Variants in SPAG17 observed in about 807,000 individuals in gnomAD.
SPAG17 encodes sperm-associated antigen 17.
SPAG17 carries 169 observed loss-of-function variants against 273.6 expected under a neutral mutation model. The observed-to-expected ratio is 0.62, with a 90% confidence interval of 0.55 to 0.70. The LOEUF is 0.70. SPAG17 is among the 30% of genes least tolerant of loss of function. The pLI is 0.00. For missense variants in SPAG17, 2,557 were observed against 2,627.8 expected, an observed-to-expected ratio of 0.97 and a Z score of 0.59; for synonymous variants, 825 against 873.2, an observed-to-expected ratio of 0.94 and a Z score of 0.97.
intron 17 of SPAG17, among the ~76,000 whole-genome samples, chr1:118,067,629 AGG>A (rs1208883731): frequency 6.6e-6 from 1 of 152,212 alleles, no homozygotes; most frequent in Non-Finnish European, 1.5e-5. Context: ...TACGCTACTC[AGG>A]CATGGCATTT....
intron 24 of SPAG17, among the ~76,000 whole-genome samples, chr1:118,036,310 T>C (rs1481834442): frequency 6.6e-6 from 1 of 152,184 alleles, no homozygotes; most frequent in Non-Finnish European, 1.5e-5. Context: ...TGAAGCACAC[T>C]GAACCGTTCT....
intron 1 of SPAG17, among the ~76,000 whole-genome samples, chr1:118,179,418 C>A (rs116043059): frequency 6.6e-6 from 1 of 152,136 alleles, no homozygotes; most frequent in Non-Finnish European, 1.5e-5. Flanking sequence ...ACCCCTGTCT[C>A]TCTCCATAAA....
At chr1:118,126,059 G>GT (rs1657707165) in intron 3 of SPAG17, among the ~76,000 whole-genome samples, 1 of 45,812 alleles carries the variant, frequency 2.2e-5, no homozygotes, top group Admixed American at 2.1e-4. Flanking sequence ...TTTTTTTTTT[G>GT]ATAATAGCCA....
At chr1:118,116,152 C>T (rs1657066493) in intron 3 of SPAG17, among the ~76,000 whole-genome samples, 1 of 152,178 alleles carries the variant, frequency 6.6e-6, no homozygotes, top group Non-Finnish European at 1.5e-5. Context: ...CTAAATTTCA[C>T]ACAACGCTCT....
intron 43 of SPAG17, among the ~76,000 whole-genome samples, chr1:117,977,390 T>C (rs578074283): frequency 6.6e-6 from 1 of 152,304 alleles, no homozygotes; most frequent in East Asian, 1.9e-4. Flanking sequence ...TAACATAATA[T>C]AGAGAATTAA....
In SPAG17 at chr1:118,151,484, A is replaced by C. The variant is rs1450703315; in HGVS notation, c.88-115T>G. ...CCTGTAAATCTTACTTGAAAGACAGAGGTGACCTTGTAATGTATGTGGTTT... is the reference window on the plus strand; with the variant it reads ...CCTGTAAATCTTACTTGAAAGACAGCGGTGACCTTGTAATGTATGTGGTTT... On this transcript the variant is annotated intron_variant, in intron 1 of 48. Transcript: ENST00000336338. The C allele has an allele frequency of 8.6e-6, 9 of 1,050,918 alleles. No individual in the cohort carries two copies. The Admixed American group carries it at 2.4e-4, about 28-fold the overall frequency. 65.1% of individuals were successfully genotyped at this position (1,050,918 alleles called of 1,614,324 possible).
Position 117,976,702 on chromosome 1 carries a change from TAAC to T in SPAG17, c.6005-3144_6005-3142del, listed in dbSNP as rs568430848. 7.4e-4 allele frequency among the ~76,000 whole-genome samples: 112 copies of T among 152,292 alleles called. No homozygotes were observed. The Middle Eastern group carries it at 0.017, about 23-fold the overall frequency. On this transcript the variant is annotated intron_variant, in intron 43 of 48. Coordinates refer to ENST00000336338, the MANE Select transcript of SPAG17 (RefSeq NM_206996.4). ...AGCCGGAGGTGTGCTGGTGAATGGT[TAAC>T]AACTACCTTTCCCAGGGTAAACTGC...
chr1:117,954,554 G>A (rs1651880574), intron 48 of SPAG17: 1 of 1,608,626 alleles, frequency 6.2e-7, no homozygotes, highest in Admixed American at 1.7e-5. Context: ...TTTTTTTAAT[G>A]ACTTGATTTA....
At chr1:117,977,859 T>C (rs956066907) in intron 43 of SPAG17, among the ~76,000 whole-genome samples, 1 of 152,210 alleles carries the variant, frequency 6.6e-6, no homozygotes, top group Non-Finnish European at 1.5e-5. Flanking sequence ...TTTTATTCAC[T>C]GGTGATTTTA....
Position 117,971,568 on chromosome 1 carries a change from C to A in SPAG17, c.6326+295G>T, listed in dbSNP as rs561228799. Among the ~76,000 whole-genome samples the A allele has an allele frequency of 2.0e-5, 3 of 152,262 alleles. No individual in the cohort carries two copies. In the East Asian group the frequency reaches 5.8e-4, roughly 29 times the overall value. On this transcript the variant is annotated intron_variant, in intron 45 of 48. Coordinates refer to ENST00000336338, the MANE Select transcript of SPAG17 (RefSeq NM_206996.4). ...TGCTGTAACACTTTTGTACAACCTC[C>A]CCCTTTTTTTCCACTAGTAGAAATC...
At chr1:117,967,491 A>G (rs1654013445) in intron 46 of SPAG17, among the ~76,000 whole-genome samples, 1 of 152,064 alleles carries the variant, frequency 6.6e-6, no homozygotes, top group Non-Finnish European at 1.5e-5. Context: ...AATCGCAAAA[A>G]AATCTCATCA....
chr1:117,986,148 T>A (rs1464860483), intron 40 of SPAG17, among the ~76,000 whole-genome samples: 1 of 152,174 alleles, frequency 6.6e-6, no homozygotes, highest in Non-Finnish European at 1.5e-5. Flanking sequence ...TCTGGAAATA[T>A]CAGACAGGCA....
chr1:118,090,916 A>C (rs1238943484), intron 10 of SPAG17, among the ~76,000 whole-genome samples: 1 of 151,914 alleles, frequency 6.6e-6, no homozygotes, highest in Non-Finnish European at 1.5e-5. Context: ...ATATATAAAT[A>C]AATAGATGAA....
Position 118,099,768 on chromosome 1 carries a change from T to C in SPAG17, c.667A>G (p.Ile223Val). 6.2e-7 allele frequency: 1 copy of C among 1,612,972 alleles called. No homozygotes were observed. Among genetic ancestry groups the C allele is most frequent in the Non-Finnish European group, 8.5e-7 (1 of 1,179,896 alleles). The part of the protein sequence containing the change: ...DEPDDGAQHY[I>V]IVVGFNNPQL... ...GGATTGTTAAAGCCCACAACTATAA[T>C]GTAATGTTGGGCACCATCATCTGGC... is the stretch of plus-strand genomic sequence containing the variant. The change falls in exon 6 of 49, where the codon ATT (isoleucine) becomes GTT (valine). Residue 223 changes from isoleucine (I) to valine (V), a missense_variant. Coordinates refer to ENST00000336338, the MANE Select transcript of SPAG17 (RefSeq NM_206996.4).
At chr1:118,026,179 T>G (rs1016193170) in intron 26 of SPAG17, among the ~76,000 whole-genome samples, 4 of 152,152 alleles carry the variant, frequency 2.6e-5, no homozygotes, top group Non-Finnish European at 5.9e-5. Flanking sequence ...TCTTTCAAAG[T>G]TAACGTTAAA....
Position 118,023,375 on chromosome 1 carries a change from C to T in SPAG17, c.3998G>A (p.Gly1333Glu), listed in dbSNP as rs201044661. 13 of 1,612,744 alleles carry T rather than the reference C, an allele frequency of 8.1e-6. No individual in the cohort carries two copies. The highest frequency in any genetic ancestry group is 2.5e-6 in the Non-Finnish European group (3 of 1,179,190). ...CTGAGAAATAGAGTCCATCAAATCTCCACTGTGAGGCGTTGCTGGCATTTC... is the reference window on the plus strand; with the variant it reads ...CTGAGAAATAGAGTCCATCAAATCTTCACTGTGAGGCGTTGCTGGCATTTC... ...PSEMPATPHS[G>E]DLMDSISQQK... Residue 1333 changes from glycine (G) to glutamate (E), a missense_variant, in exon 28 of 49, where the codon GGA (glycine) becomes GAA (glutamate). By Grantham distance (98) the Gly-to-Glu change is moderately conservative. Transcript: ENST00000336338.
chr1:118,074,971 G>A (rs1040348609), intron 15 of SPAG17, among the ~76,000 whole-genome samples: 8 of 152,034 alleles, frequency 5.3e-5, no homozygotes, highest in Non-Finnish European at 1.2e-4. Context: ...TCTTGTGCTG[G>A]TGACTATCAC....
At chr1:118,107,938 T>C (rs1160844890) in intron 4 of SPAG17, among the ~76,000 whole-genome samples, 1 of 152,170 alleles carries the variant, frequency 6.6e-6, no homozygotes, top group African/African-American at 2.4e-5. Flanking sequence ...GTTGGTAGAA[T>C]ATGTATTACT....
intron 47 of SPAG17, chr1:117,964,992 C>A (rs577249377): frequency 6.6e-6 from 1 of 152,340 alleles, no homozygotes; most frequent in South Asian, 2.1e-4. Context: ...CCACTCTCTT[C>A]AGCCTACAAA....
Sources: gnomAD v4.1 joint callset for allele counts (sites outside exome capture counted in the v4.1 genomes callset) on GRCh38, gnomAD v4.1.1 for gene constraint, MANE v1.5 for transcripts, NCBI Gene and HGNC (gene_info 2026-07-23, HGNC 2026-07-21) for gene names.